GDA: variants seen among roughly 807,000 people sequenced by gnomAD.
GDA encodes the protein guanine deaminase.
In GDA, 18 loss-of-function variants were observed where a neutral mutation model predicts 59.6. The ratio of observed to expected loss-of-function variants is 0.30; its 90% CI spans 0.21 to 0.45. GDA has a LOEUF of 0.45. Among genes scored for constraint, GDA ranks in the 20% least tolerant of loss-of-function variants. The pLI is 1.00. For missense variants in GDA, 427 were observed against 552.3 expected, an observed-to-expected ratio of 0.77 and a Z score of 2.27; for synonymous variants, 201 against 201.1, an observed-to-expected ratio of 1.00 and a Z score of 0.00.
intron 1 of GDA, among the ~76,000 whole-genome samples, chr9:72,166,347 G>T (rs1209535344): frequency 1.4e-5 from 2 of 138,420 alleles, no homozygotes; most frequent in East Asian, 5.0e-4. Flanking sequence ...ATATGCAGGA[G>T]TTGAAAAAGT....
chr9:72,145,960 G>A (rs190369177), upstream of GDA, among the ~76,000 whole-genome samples: 500 of 152,254 alleles, frequency 3.3e-3, 1 homozygote, highest in African/African-American at 0.012. Context: ...AGTGACCAGG[G>A]ACTGTGTTAA....
chr9:72,256,791 G>A (rs1840891580), downstream of GDA, among the ~76,000 whole-genome samples: 1 of 152,124 alleles, frequency 6.6e-6, no homozygotes, highest in African/African-American at 2.4e-5. Flanking sequence ...CCAAGAATTT[G>A]CATTACCAAC....
rs551530651 is a variant in GDA, at chr9:72,227,958, G to A, written c.838G>A (p.Gly280Ser). The change falls in exon 9 of 14, where the codon GGC (glycine) becomes AGC (serine). Residue 280 changes from glycine (G) to serine (S), a missense_variant. Gly to Ser is a moderately conservative substitution (Grantham distance 56, BLOSUM62 0). Coordinates refer to ENST00000358399, the MANE Select transcript of GDA (RefSeq NM_004293.5). ...TTCTCTCCAGACAGTGATGGCACAC[G>A]GCTGCTACCTCTCTGCAGAAGAACT... The part of the protein sequence containing the change: ...LLTNKTVMAH[G>S]CYLSAEELNV... 1.6e-5 allele frequency: 26 copies of A among 1,602,452 alleles called. No homozygotes were observed. In the Admixed American group the frequency reaches 2.0e-4, roughly 12 times the overall value.
chr9:72,212,165 AGATAAT>A (rs1835454858), intron 4 of GDA, among the ~76,000 whole-genome samples: 1 of 152,190 alleles, frequency 6.6e-6, no homozygotes, highest in African/African-American at 2.4e-5. Context: ...AATTCCTCAC[AGATAAT>A]ATTGGCATTG....
chr9:72,254,240 C>G (rs1350869808), downstream of GDA, among the ~76,000 whole-genome samples: 3 of 152,192 alleles, frequency 2.0e-5, no homozygotes, highest in Non-Finnish European at 4.4e-5. Context: ...CCCTAACCTA[C>G]TACCACATCA....
intron 1 of GDA, among the ~76,000 whole-genome samples, chr9:72,143,490 A>G (rs1417128343): frequency 6.6e-6 from 1 of 152,094 alleles, no homozygotes. Flanking sequence ...AAATTTTACT[A>G]ACGTGCTACC....
intron 3 of GDA, among the ~76,000 whole-genome samples, chr9:72,206,607 T>A: frequency 6.6e-6 from 1 of 151,962 alleles, no homozygotes; most frequent in South Asian, 2.1e-4. Context: ...ACCCCGCCTC[T>A]ACTAAAAATA....
chr9:72,254,513 A>G (rs888024816), downstream of GDA, among the ~76,000 whole-genome samples: 6 of 152,132 alleles, frequency 3.9e-5, no homozygotes, highest in Admixed American at 1.3e-4. Context: ...GCCCTCCTCT[A>G]TTGCCTGGCT....
chr9:72,241,979 A>T (rs1412742870), intron 11 of GDA, among the ~76,000 whole-genome samples: 1 of 152,208 alleles, frequency 6.6e-6, no homozygotes, highest in African/African-American at 2.4e-5. Context: ...TAATAGTAAA[A>T]TAGTAGCCAA....
chr9:72,219,574 C>A, intron 6 of GDA, 68 bp downstream of exon 6: 1 of 1,154,002 alleles, frequency 8.7e-7, no homozygotes, highest in Non-Finnish European at 1.3e-6. Flanking sequence ...CATAAAGTTG[C>A]TTGATAGTGA....
chr9:72,169,925 T>C (rs1202922661), intron 1 of GDA, among the ~76,000 whole-genome samples: 1 of 152,218 alleles, frequency 6.6e-6, no homozygotes, highest in Non-Finnish European at 1.5e-5. Flanking sequence ...ATTAAATGCA[T>C]CCTTCAGCTC....
intron 1 of GDA, among the ~76,000 whole-genome samples, chr9:72,144,350 T>G (rs1430140852): frequency 6.6e-6 from 1 of 152,208 alleles, no homozygotes; most frequent in African/African-American, 2.4e-5. Flanking sequence ...TCGTATCACT[T>G]AAGATTTGAC....
chr9:72,141,472 A>T (rs1826438935), intron 1 of GDA, among the ~76,000 whole-genome samples: 1 of 152,122 alleles, frequency 6.6e-6, no homozygotes. Context: ...TTTTCCTTAA[A>T]ATCATTGTTA....
intron 5 of GDA, among the ~76,000 whole-genome samples, chr9:72,217,024 G>A (rs1245102583): frequency 6.6e-6 from 1 of 152,150 alleles, no homozygotes; most frequent in African/African-American, 2.4e-5. Flanking sequence ...CTGGGGTGAT[G>A]AGAATGTTCA....
chr9:72,142,897 G>A (rs1826492972), intron 1 of GDA, among the ~76,000 whole-genome samples: 1 of 149,406 alleles, frequency 6.7e-6, no homozygotes, highest in African/African-American at 2.5e-5. Flanking sequence ...GCCTTCCTGA[G>A]TAGCTGGGAT....
chr9:72,246,870 G>C (rs1477343550), intron 12 of GDA, among the ~76,000 whole-genome samples: 1 of 152,066 alleles, frequency 6.6e-6, no homozygotes, highest in Non-Finnish European at 1.5e-5. Context: ...AATAGTCCTA[G>C]TGATTTTTCT....
At chr9:72,118,122 A>C (rs1384739864) in intron 1 of GDA, among the ~76,000 whole-genome samples, 1 of 151,758 alleles carries the variant, frequency 6.6e-6, no homozygotes, top group Non-Finnish European at 1.5e-5. Flanking sequence ...AATACAAAAA[A>C]TTAGGCGGGC....
At chr9:72,184,926 C>T (rs2131129606) in intron 1 of GDA, among the ~76,000 whole-genome samples, 1 of 152,224 alleles carries the variant, frequency 6.6e-6, no homozygotes, top group Admixed American at 6.5e-5. Flanking sequence ...AGGCCAAATC[C>T]AGCTCCCTGA....
At position 72,248,497 on chromosome 9, in the gene GDA, C is replaced by T. The variant is rs1234327373; in HGVS notation, c.*155C>T. The T allele has an allele frequency of 1.3e-5, 19 of 1,432,788 alleles. No individual in the cohort carries two copies. Among genetic ancestry groups the T allele is most frequent in the Non-Finnish European group, 1.6e-5 (17 of 1,091,118 alleles). 88.8% of individuals were successfully genotyped at this position (1,432,788 alleles called of 1,614,324 possible). A position where few individuals can be genotyped will look rare whatever the true frequency, so the allele number is the denominator to read the frequency against. ...TACAGTATTCACTTGACAAATAGTT[C>T]GAAGGAAGTTGCACTAATTCTCAAC... On this transcript the variant is annotated 3_prime_UTR_variant, in exon 14 of 14. Coordinates refer to ENST00000358399, the MANE Select transcript of GDA (RefSeq NM_004293.5).
Sources: gnomAD v4.1 joint callset for allele counts (sites outside exome capture counted in the v4.1 genomes callset) on GRCh38, gnomAD v4.1.1 for gene constraint, MANE v1.5 for transcripts, NCBI Gene and HGNC (gene_info 2026-07-23, HGNC 2026-07-21) for gene names.